Variants in CHD9 observed in about 807,000 individuals in gnomAD.
CHD9 encodes chromodomain helicase DNA binding protein 9.
Under a neutral mutation model 316.1 loss-of-function variants are expected in CHD9, and 77 were observed. That is an observed-to-expected ratio of 0.24 (90% CI 0.20 to 0.29). The LOEUF is 0.29. Ranked by LOEUF, CHD9 falls within the 10% of genes least tolerant of loss-of-function variation. CHD9 has a pLI of 1.00. For missense variants in CHD9, 2,763 were observed against 3,438.1 expected (o/e 0.80, Z 4.91); for synonymous variants, 1,129 against 1,158.3 (o/e 0.97, Z 0.51).
At chr16:53,181,745 T>C (rs2043538631) in intron 2 of CHD9, among the ~76,000 whole-genome samples, 1 of 152,306 alleles carries the variant, frequency 6.6e-6, no homozygotes, top group East Asian at 1.9e-4. Context: ...ATAGTAATAA[T>C]CCTCAAAATG....
chr16:53,305,796 C>T (rs1159178855), intron 31 of CHD9, among the ~76,000 whole-genome samples: 1 of 152,142 alleles, frequency 6.6e-6, no homozygotes, highest in African/African-American at 2.4e-5. Flanking sequence ...GCATAACTTT[C>T]GGGGTTGCCG....
At chr16:53,267,623 G>T in intron 21 of CHD9, 133 bp downstream of exon 21, 1 of 668,750 alleles carries the variant, frequency 1.5e-6, no homozygotes. Context: ...TCTATTTTTA[G>T]CATATATTTA....
intron 1 of CHD9, among the ~76,000 whole-genome samples, chr16:53,101,909 C>T: frequency 6.6e-6 from 1 of 152,110 alleles, no homozygotes; most frequent in East Asian, 1.9e-4. Flanking sequence ...ATGAACTCCA[C>T]ATCTGAAATT....
chr16:53,252,310 G>A (rs1044218299), intron 17 of CHD9, among the ~76,000 whole-genome samples: 26 of 152,034 alleles, frequency 1.7e-4, no homozygotes, highest in African/African-American at 6.0e-4. Flanking sequence ...GAAAGGACAC[G>A]CTATTCAACA....
intron 8 of CHD9, among the ~76,000 whole-genome samples, chr16:53,231,211 A>G (rs1380700764): frequency 6.6e-6 from 1 of 152,120 alleles, no homozygotes; most frequent in Non-Finnish European, 1.5e-5. Flanking sequence ...AGTACCTTAT[A>G]TTTTAGTACT....
intron 24 of CHD9, among the ~76,000 whole-genome samples, chr16:53,277,074 AACAG>A (rs1161422588): frequency 6.6e-6 from 1 of 152,204 alleles, no homozygotes; most frequent in Admixed American, 6.5e-5. Context: ...AGATACCCTA[AACAG>A]ACAAAGAACA....
intron 3 of CHD9, among the ~76,000 whole-genome samples, chr16:53,222,076 G>A (rs1309838483): frequency 6.6e-6 from 1 of 150,644 alleles, no homozygotes; most frequent in Non-Finnish European, 1.5e-5. Flanking sequence ...TTGCTTGCTT[G>A]TTTGCTTATT....
At chr16:53,241,551 AT>A (rs1367042911) in intron 12 of CHD9, among the ~76,000 whole-genome samples, 1 of 152,236 alleles carries the variant, frequency 6.6e-6, no homozygotes, top group Non-Finnish European at 1.5e-5. Context: ...ATGTCTCAAA[AT>A]TAACACATAC....
chr16:53,059,727 G>C (rs939470797), intron 1 of CHD9, among the ~76,000 whole-genome samples: 1 of 152,194 alleles, frequency 6.6e-6, no homozygotes, highest in East Asian at 1.9e-4. Flanking sequence ...TTTCTGTAAA[G>C]GTCCAGAGAG....
At chr16:53,172,261 A>T (rs2042815331) in intron 2 of CHD9, among the ~76,000 whole-genome samples, 1 of 152,168 alleles carries the variant, frequency 6.6e-6, no homozygotes, top group Admixed American at 6.5e-5. Flanking sequence ...ATTTTCTGGA[A>T]TTTATATATA....
intron 3 of CHD9, among the ~76,000 whole-genome samples, chr16:53,221,938 T>C (rs1254783730): frequency 6.6e-6 from 1 of 151,682 alleles, no homozygotes. Context: ...ATCTGCAAGA[T>C]AATAAAGTAA....
chr16:53,306,330 A>G lies in CHD9; in HGVS notation c.6713A>G (p.Asn2238Ser). 3 of 1,611,752 alleles carry G rather than the reference A, an allele frequency of 1.9e-6. No homozygotes were observed. Among genetic ancestry groups the G allele is most frequent in the Non-Finnish European group, 2.5e-6 (3 of 1,178,872 alleles). Reference sequence around the variant, plus strand: ...ACTCAGGATAGTTTTCAGATGAACAATGGGACACCAGAGTCTGCTTATATC... The same window carrying G: ...ACTCAGGATAGTTTTCAGATGAACAGTGGGACACCAGAGTCTGCTTATATC... ...DETQDSFQMN[N>S]GTPESAYILQ... Residue 2238 changes from asparagine (N) to serine (S), a missense_variant, in exon 32 of 39, where the codon AAT (asparagine) becomes AGT (serine). Asn to Ser is a conservative substitution (Grantham distance 46). Coordinates refer to ENST00000447540, the MANE Select transcript of CHD9 (RefSeq NM_001308319.2).
chr16:53,171,843 C>G (rs1399800421), intron 2 of CHD9, among the ~76,000 whole-genome samples: 1 of 73,428 alleles, frequency 1.4e-5, no homozygotes, highest in African/African-American at 5.0e-5. Context: ...CACACACACA[C>G]ACACACACAC....
intron 12 of CHD9, among the ~76,000 whole-genome samples, chr16:53,240,745 A>G (rs1161699871): frequency 6.6e-6 from 1 of 152,214 alleles, no homozygotes; most frequent in East Asian, 1.9e-4. Flanking sequence ...AATAACCACA[A>G]ACATTTATCA....
chr16:53,110,021 G>A (rs1338646225), intron 1 of CHD9, among the ~76,000 whole-genome samples: 1 of 152,038 alleles, frequency 6.6e-6, no homozygotes, highest in Non-Finnish European at 1.5e-5. Context: ...AGAAATTCTA[G>A]CAACATTGAA....
chr16:53,181,088 A>G (rs934782018), intron 2 of CHD9, among the ~76,000 whole-genome samples: 3 of 148,212 alleles, frequency 2.0e-5, no homozygotes, highest in East Asian at 2.0e-4. Context: ...TCAGCTTACC[A>G]CAACCTCTGC....
In CHD9 at chr16:53,324,705, G is replaced by C. The variant is rs750525415; in HGVS notation, c.8504G>C (p.Gly2835Ala). The C allele has an allele frequency of 1.2e-6, 2 of 1,612,822 alleles. No individual in the cohort carries two copies. Among genetic ancestry groups the C allele is most frequent in the Non-Finnish European group, 8.5e-7 (1 of 1,179,328 alleles). ...FDVQNKNSDL[G>A]SSKSVEVKEE... ...GTACAAAACAAAAACAGTGACTTAG[G>C]CTCGTCTAAGTCTGTAGAAGTAAAA... Residue 2835 changes from glycine to alanine, a missense_variant, in exon 39 of 39, where the codon GGC becomes GCC. Around this residue, in one of 15 missense-constraint regions of CHD9, gnomAD observed 298 missense variants for 380.2 expected, o/e 0.78. Transcript: ENST00000447540.
At chr16:53,282,870 G>A (rs2053543868) in intron 24 of CHD9, among the ~76,000 whole-genome samples, 1 of 152,076 alleles carries the variant, frequency 6.6e-6, no homozygotes, top group Non-Finnish European at 1.5e-5. Context: ...TTTCAGGCAT[G>A]TTTTCTGTCT....
chr16:53,144,816 G>A (rs377633418), intron 1 of CHD9, among the ~76,000 whole-genome samples: 53 of 151,940 alleles, frequency 3.5e-4, no homozygotes, highest in African/African-American at 1.2e-3. Context: ...GAGCCACCAC[G>A]CCCAGCCTAC....
Sources: gnomAD v4.1 joint callset for allele counts (sites outside exome capture counted in the v4.1 genomes callset) on GRCh38, gnomAD v4.1.1 for gene constraint, gnomAD v4.1.1 regional missense constraint, MANE v1.5 for transcripts, NCBI Gene and HGNC (gene_info 2026-07-23, HGNC 2026-07-21) for gene names.